PCCA: variants seen among roughly 807,000 people sequenced by gnomAD.
PCCA encodes propionyl-CoA carboxylase subunit alpha, also known as propionyl-CoA carboxylase alpha chain, mitochondrial.
Under a neutral mutation model 101.3 loss-of-function variants are expected in PCCA, and 74 were observed. The observed-to-expected ratio is 0.73, with a 90% CI of 0.61 to 0.89. The LOEUF is 0.89. Among genes scored for constraint, PCCA ranks in the 40% least tolerant of loss-of-function variants. PCCA has a pLI of 0.00. For missense variants in PCCA, 891 were observed against 907.0 expected, an observed-to-expected ratio of 0.98 and a Z score of 0.23; for synonymous variants, 294 against 313.6, an observed-to-expected ratio of 0.94 and a Z score of 0.66.
chr13:100,502,957 G>A (rs549077157), intron 21 of PCCA, among the ~76,000 whole-genome samples: 6 of 152,318 alleles, frequency 3.9e-5, no homozygotes, highest in Admixed American at 1.3e-4. Context: ...TGAGGCTGAC[G>A]CAGACCTAGG....
intron 7 of PCCA, among the ~76,000 whole-genome samples, chr13:100,222,628 GT>G (rs2059890863): frequency 6.6e-6 from 1 of 152,164 alleles, no homozygotes; most frequent in Non-Finnish European, 1.5e-5. Flanking sequence ...AATATCTTGG[GT>G]TTTTAGCAAC....
At chr13:100,308,088 C>T (rs898779351) in intron 15 of PCCA, among the ~76,000 whole-genome samples, 4 of 152,094 alleles carry the variant, frequency 2.6e-5, no homozygotes, top group Non-Finnish European at 4.4e-5. Context: ...CTCCTGACCT[C>T]GTGATCCGCC....
At chr13:100,476,353 A>G (rs978527896) in intron 21 of PCCA, among the ~76,000 whole-genome samples, 10 of 152,266 alleles carry the variant, frequency 6.6e-5, no homozygotes, top group African/African-American at 2.2e-4. Context: ...TTCAAATACC[A>G]GTGTTTTAAT....
intron 19 of PCCA, among the ~76,000 whole-genome samples, chr13:100,387,359 A>G (rs1403529660): frequency 6.6e-6 from 1 of 152,198 alleles, no homozygotes; most frequent in Non-Finnish European, 1.5e-5. Context: ...GAATAGTTGG[A>G]GAGATGTGTT....
intron 21 of PCCA, among the ~76,000 whole-genome samples, chr13:100,513,930 C>T (rs2086653882): frequency 6.6e-6 from 1 of 152,110 alleles, no homozygotes; most frequent in African/African-American, 2.4e-5. Flanking sequence ...GCAATTTGGT[C>T]CAATTATAGT....
At chr13:100,132,915 C>A (rs1204234028) in intron 4 of PCCA, among the ~76,000 whole-genome samples, 1 of 152,020 alleles carries the variant, frequency 6.6e-6, no homozygotes, top group East Asian at 1.9e-4. Flanking sequence ...CTGTAGCTGG[C>A]ATTACAGGCA....
intron 4 of PCCA, among the ~76,000 whole-genome samples, chr13:100,138,417 G>A (rs1318703378): frequency 6.6e-6 from 1 of 151,792 alleles, no homozygotes; most frequent in Non-Finnish European, 1.5e-5. Context: ...GTTTTCTTAC[G>A]TGTTATATCT....
At chr13:100,197,049 G>A (rs2152457493) in intron 6 of PCCA, among the ~76,000 whole-genome samples, 1 of 152,234 alleles carries the variant, frequency 6.6e-6, no homozygotes, top group East Asian at 1.9e-4. Flanking sequence ...CTTCTCTAAT[G>A]TGTTGTCACC....
intron 2 of PCCA, among the ~76,000 whole-genome samples, chr13:100,111,427 C>T (rs1199878184): frequency 6.6e-6 from 1 of 152,044 alleles, no homozygotes; most frequent in African/African-American, 2.4e-5. Flanking sequence ...TCCCAAAGTG[C>T]TGGGATTACA....
intron 6 of PCCA, among the ~76,000 whole-genome samples, chr13:100,201,620 A>C (rs1228655584): frequency 6.6e-6 from 1 of 152,028 alleles, no homozygotes; most frequent in Non-Finnish European, 1.5e-5. Context: ...GCATTTTGAG[A>C]GGCTGAGGTG....
chr13:100,150,684 AT>A, intron 4 of PCCA: 1 of 1,486,646 alleles, frequency 6.7e-7, no homozygotes, highest in East Asian at 2.3e-5. Flanking sequence ...GCTTTATGGA[AT>A]GGATCAGTGA....
At chr13:100,416,865 T>G (rs2078404981) in intron 19 of PCCA, among the ~76,000 whole-genome samples, 1 of 151,610 alleles carries the variant, frequency 6.6e-6, no homozygotes, top group Non-Finnish European at 1.5e-5. Context: ...TTTTTTGAGA[T>G]GGAGTTTTGC....
intron 21 of PCCA, among the ~76,000 whole-genome samples, chr13:100,454,867 A>C (rs1024134597): frequency 6.6e-6 from 1 of 152,202 alleles, no homozygotes; most frequent in African/African-American, 2.4e-5. Context: ...CATTTTCAGT[A>C]AAACAAATCT....
chr13:100,210,771 TC>T (rs2059163164), intron 7 of PCCA, among the ~76,000 whole-genome samples: 1 of 152,230 alleles, frequency 6.6e-6, no homozygotes, highest in African/African-American at 2.4e-5. Context: ...CTTTTGGCAT[TC>T]TGTGTTGGGT....
chr13:100,317,973 T>A (rs993682419), intron 16 of PCCA, among the ~76,000 whole-genome samples: 1 of 152,146 alleles, frequency 6.6e-6, no homozygotes, highest in Non-Finnish European at 1.5e-5. Flanking sequence ...GTATTGTCAG[T>A]GTCCTAGCTG....
intron 21 of PCCA, among the ~76,000 whole-genome samples, chr13:100,471,385 G>T (rs1451814431): frequency 1.3e-5 from 2 of 152,174 alleles, no homozygotes; most frequent in Admixed American, 6.5e-5. Flanking sequence ...GCAGAGGTTT[G>T]AAATACTGCA....
At chr13:100,434,558 G>A (rs1358641153) in intron 20 of PCCA, among the ~76,000 whole-genome samples, 1 of 152,050 alleles carries the variant, frequency 6.6e-6, no homozygotes, top group Non-Finnish European at 1.5e-5. Flanking sequence ...CTTTCATGTG[G>A]ATTTGGGGGA....
At chr13:100,392,267 C>A (rs1452992558) in intron 19 of PCCA, among the ~76,000 whole-genome samples, 6 of 152,066 alleles carry the variant, frequency 3.9e-5, no homozygotes, top group Non-Finnish European at 8.8e-5. Context: ...AAAACTGCTT[C>A]CCTAGTGGTC....
At chr13:100,095,671 A>C (rs552781757) in intron 1 of PCCA, among the ~76,000 whole-genome samples, 11 of 152,294 alleles carry the variant, frequency 7.2e-5, no homozygotes, top group African/African-American at 2.6e-4. Context: ...AAAAGCTCTG[A>C]GGGGAGATTG....
Sources: gnomAD v4.1 joint callset for allele counts (sites outside exome capture counted in the v4.1 genomes callset) on GRCh38, gnomAD v4.1.1 for gene constraint, MANE v1.5 for transcripts, NCBI Gene and HGNC (gene_info 2026-07-23, HGNC 2026-07-21) for gene names.